The following SV2C variants were observed in gnomAD, a reference collection of about 807,000 sequenced individuals.
The protein encoded by SV2C is synaptic vesicle glycoprotein 2C.
In SV2C, 49 loss-of-function variants were observed where a neutral mutation model predicts 79.7. The observed-to-expected ratio is 0.61, with a 90% CI of 0.49 to 0.78. The LOEUF is 0.78. Ranked by LOEUF, SV2C falls within the 30% of genes least tolerant of loss-of-function variation. The probability of loss-of-function intolerance (pLI) is 0.00; values close to 1 mark genes in which losing one functional copy is unlikely to be tolerated. For missense variants in SV2C, 833 were observed against 912.9 expected (o/e 0.91, Z 1.13); for synonymous variants, 334 against 333.2 (o/e 1.00, Z -0.03).
At chr5:75,900,183 A>T in the SV2C span, among the ~76,000 whole-genome samples, 1 of 152,002 alleles carries the variant, frequency 6.6e-6, no homozygotes, top group Non-Finnish European at 1.5e-5. Flanking sequence ...AGTTTCCATG[A>T]TTTTGCAGTG....
chr5:75,937,027 C>T, the SV2C span, among the ~76,000 whole-genome samples: 3 of 151,400 alleles, frequency 2.0e-5, no homozygotes, highest in Admixed American at 2.0e-4. Flanking sequence ...TTTGTCAAAA[C>T]GTTAAACCCT....
chr5:76,145,420 C>T (rs779246708), intron 2 of SV2C, among the ~76,000 whole-genome samples: 1 of 152,102 alleles, frequency 6.6e-6, no homozygotes, highest in Non-Finnish European at 1.5e-5. Flanking sequence ...AAATTACAGT[C>T]CTGGTGGATT....
At chr5:76,282,010 T>C (rs1747213768) in intron 4 of SV2C, among the ~76,000 whole-genome samples, 1 of 152,240 alleles carries the variant, frequency 6.6e-6, no homozygotes, top group African/African-American at 2.4e-5. Flanking sequence ...AGCTTCCTGC[T>C]GTATCCATTG....
the SV2C span, among the ~76,000 whole-genome samples, chr5:75,880,199 T>C: frequency 2.6e-5 from 4 of 151,244 alleles, no homozygotes; most frequent in African/African-American, 9.8e-5. Context: ...TTTTTTTTTT[T>C]CATTTTCTTG....
intron 2 of SV2C, among the ~76,000 whole-genome samples, chr5:76,186,541 A>C (rs1306373941): frequency 6.6e-6 from 1 of 152,030 alleles, no homozygotes; most frequent in Non-Finnish European, 1.5e-5. Context: ...AAAATACAAA[A>C]AGTAGCTGGG....
intron 1 of SV2C, among the ~76,000 whole-genome samples, chr5:76,112,035 A>T (rs1748112550): frequency 6.6e-6 from 1 of 152,196 alleles, no homozygotes; most frequent in African/African-American, 2.4e-5. Flanking sequence ...TGCTTAACTT[A>T]GTGTTTTATT....
intron 12 of SV2C, among the ~76,000 whole-genome samples, chr5:76,307,556 C>T (rs1748240997): frequency 6.6e-6 from 1 of 152,200 alleles, no homozygotes. Context: ...GTGCAGGAGA[C>T]TAGCCCAAAA....
chr5:76,069,297 A>C, the SV2C span, among the ~76,000 whole-genome samples: 1 of 152,158 alleles, frequency 6.6e-6, no homozygotes, highest in South Asian at 2.1e-4. Context: ...TGGCTGCTCC[A>C]TCTGTCTGAG....
intron 10 of SV2C, 48 bp downstream of exon 10, chr5:76,298,975 G>T: frequency 6.3e-7 from 1 of 1,596,236 alleles, no homozygotes; most frequent in Admixed American, 1.7e-5. Context: ...TCTCCAAAGG[G>T]CCCACTGTGA....
chr5:75,966,759 C>T, the SV2C span, among the ~76,000 whole-genome samples: 2 of 152,192 alleles, frequency 1.3e-5, no homozygotes, highest in African/African-American at 2.4e-5. Context: ...TGCTTTCTCT[C>T]ACCATTGGTT....
chr5:75,971,923 C>G, the SV2C span, among the ~76,000 whole-genome samples: 1 of 152,092 alleles, frequency 6.6e-6, no homozygotes, highest in African/African-American at 2.4e-5. Context: ...TGACTTCAAA[C>G]TATACTACAA....
downstream of SV2C, among the ~76,000 whole-genome samples, chr5:76,338,749 C>T (rs1401027796): frequency 6.6e-6 from 1 of 151,150 alleles, no homozygotes; most frequent in Non-Finnish European, 1.5e-5. Flanking sequence ...CCTCCACCTC[C>T]TGGGTTCAAG....
At chr5:76,104,213 C>T (rs939268128) in intron 1 of SV2C, among the ~76,000 whole-genome samples, 10 of 152,152 alleles carry the variant, frequency 6.6e-5, no homozygotes, top group African/African-American at 2.2e-4. Context: ...GTTCTAATGT[C>T]AGTATTGGCC....
chr5:76,025,079 T>G, the SV2C span, among the ~76,000 whole-genome samples: 9 of 152,212 alleles, frequency 5.9e-5, no homozygotes, highest in East Asian at 1.5e-3. Flanking sequence ...TCCATCTGTG[T>G]GTGTTCACAG....
intron 1 of SV2C, among the ~76,000 whole-genome samples, chr5:76,094,419 T>G (rs1747478930): frequency 6.6e-6 from 1 of 152,230 alleles, no homozygotes; most frequent in African/African-American, 2.4e-5. Flanking sequence ...TCATACAGTA[T>G]GTACTCTTGT....
chr5:76,174,816 A>T (rs1743471638), intron 2 of SV2C, among the ~76,000 whole-genome samples: 1 of 152,224 alleles, frequency 6.6e-6, no homozygotes, highest in African/African-American at 2.4e-5. Context: ...CTGATAAGCA[A>T]GGGTCCTCCT....
At chr5:76,096,336 A>G (rs1386937146) in intron 1 of SV2C, among the ~76,000 whole-genome samples, 1 of 152,194 alleles carries the variant, frequency 6.6e-6, no homozygotes, top group Admixed American at 6.5e-5. Context: ...ATGCTGAGAA[A>G]AAAGGAAAAC....
At chr5:76,048,957 AAGAAAAAG>A in the SV2C span, among the ~76,000 whole-genome samples, 5 of 136,144 alleles carry the variant, frequency 3.7e-5, no homozygotes, top group Non-Finnish European at 7.9e-5. Context: ...AAGAGAGAGA[AAGAAAAAG>A]AGAAAGAAAG....
chr5:76,267,369 G>T (rs1463672383), intron 4 of SV2C, among the ~76,000 whole-genome samples: 1 of 152,036 alleles, frequency 6.6e-6, no homozygotes, highest in Non-Finnish European at 1.5e-5. Flanking sequence ...TGCCTGAAAA[G>T]AAAAGAAAAT....
Sources: gnomAD v4.1 joint callset for allele counts (sites outside exome capture counted in the v4.1 genomes callset) on GRCh38, gnomAD v4.1.1 for gene constraint, MANE v1.5 for transcripts, NCBI Gene and HGNC (gene_info 2026-07-23, HGNC 2026-07-21) for gene names.